ULK1: variants seen among roughly 807,000 people sequenced by gnomAD.
The protein encoded by ULK1 is serine/threonine-protein kinase ULK1.
In ULK1, 48 loss-of-function variants were observed where a neutral mutation model predicts 117.5. The observed-to-expected ratio is 0.41, with a 90% CI of 0.32 to 0.52. The LOEUF (loss-of-function observed/expected upper bound fraction) is 0.52. Ranked by LOEUF, ULK1 falls within the 20% of genes least tolerant of loss-of-function variation. The pLI is 0.29. For synonymous variants in ULK1, 790 were observed against 637.8 expected, an observed-to-expected ratio of 1.24 and a Z score of -3.60; for missense variants, 1,387 against 1,473.4, an observed-to-expected ratio of 0.94 and a Z score of 0.96.
Position 131,908,787 on chromosome 12 carries a change from G to A in ULK1, c.460G>A (p.Ala154Thr), listed in dbSNP as rs757096105. Residue 154 changes from alanine to threonine, a missense_variant, in exon 6 of 28, where the codon GCC becomes ACC. Around this residue, in one of 4 missense-constraint regions of ULK1, gnomAD observed 224 missense variants for 325.2 expected, o/e 0.69. Transcript: ENST00000321867. ...ILLSNPAGRR[A>T]NPNSIRVKIA... Reference sequence around the variant, plus strand: ...GCTGTCCAACCCCGCCGGCCGCCGCGCCAACCCCAACAGCATCCGCGTCAA... The same window carrying A: ...GCTGTCCAACCCCGCCGGCCGCCGCACCAACCCCAACAGCATCCGCGTCAA... The A allele has an allele frequency of 1.7e-5, 28 of 1,606,996 alleles. No homozygotes were observed. The highest frequency in any genetic ancestry group is 2.3e-5 in the Non-Finnish European group (27 of 1,177,632).
At chr12:131,898,896 T>G (rs909189720) in intron 3 of ULK1, among the ~76,000 whole-genome samples, 1 of 150,502 alleles carries the variant, frequency 6.6e-6, no homozygotes, top group Non-Finnish European at 1.5e-5. Context: ...TTTTTTTTTT[T>G]GAGATGGAGC....
At position 131,918,922 on chromosome 12, in the gene ULK1, CA is replaced by C. The variant is rs1890012627; in HGVS notation, c.2511+242del. On this transcript the variant is annotated intron_variant, in intron 23 of 27. Coordinates refer to ENST00000321867, the MANE Select transcript of ULK1 (RefSeq NM_003565.4). ...TGTGGGGTGTAGGGTGTGTGGGGTG[CA>C]GGGTGTGTGGGGTGCAGGGTGTGTG... Among the ~76,000 whole-genome samples the C allele has an allele frequency of 9.5e-3, 33 of 3,480 alleles. 1 individual carries two copies. The highest frequency in any genetic ancestry group is 0.016 in the African/African-American group (31 of 1,920). The allele number at this position is 3,480 out of a possible 152,430, so 2.3% of individuals were successfully genotyped here.
chr12:131,896,024 T>A (rs1054468865), intron 3 of ULK1, among the ~76,000 whole-genome samples, 200 bp downstream of exon 3: 1 of 151,306 alleles, frequency 6.6e-6, no homozygotes, highest in African/African-American at 2.4e-5. Flanking sequence ...GGGGAGGGGG[T>A]GTCTGGGCCG....
rs1482940146 is a variant in ULK1, at chr12:131,902,452, C to T, written c.247-4440C>T. On this transcript the variant is annotated intron_variant, in intron 3 of 27. Coordinates refer to ENST00000321867, the MANE Select transcript of ULK1 (RefSeq NM_003565.4). The surrounding 1 kb of genome is among the most constrained non-coding windows in gnomAD (Gnocchi z 6.3). ...GGCTGCCTGGGACACCTGGCTCTGG[C>T]CGGCCGTGGGTGCGTGTGTGCAGGG... Among the ~76,000 whole-genome samples, 2 of 152,172 alleles carry T rather than the reference C, an allele frequency of 1.3e-5. No individual in the cohort carries two copies. The highest frequency in any genetic ancestry group is 4.8e-5 in the African/African-American group (2 of 41,428).
rs770259942 is a variant in ULK1 at position 131,920,099 on chromosome 12, C to T, written c.2924C>T (p.Thr975Ile). Residue 975 changes from threonine (T) to isoleucine (I), a missense_variant, in exon 26 of 28, where the codon ACT becomes ATT. Thr to Ile is a moderately conservative substitution (Grantham distance 89). Coordinates refer to ENST00000321867, the MANE Select transcript of ULK1 (RefSeq NM_003565.4). ...CTCCTGGACCGCATTCACAGCATCA[C>T]TGCCGAGAGGCTCATCTTCAGCCAC... ...QRLLDRIHSI[T>I]AERLIFSHAV... The T allele has an allele frequency of 2.5e-6, 4 of 1,612,838 alleles. No individual in the cohort carries two copies. In the East Asian group the frequency reaches 6.7e-5, roughly 27 times the overall value.
At position 131,910,733 on chromosome 12, in the gene ULK1, C is replaced by G. The variant is rs1555264530; in HGVS notation, c.881C>G (p.Ser294Trp). 9 of 1,613,054 alleles carry G rather than the reference C, an allele frequency of 5.6e-6. No individual in the cohort carries two copies. The highest frequency in any genetic ancestry group is 6.8e-6 in the Non-Finnish European group (8 of 1,179,916). ...TCAGCCCCACCCGTGCCTGTGCCCTCGTACCCAAGCTCGGGGTCCGGCAGC... is the reference window on the plus strand; with the variant it reads ...TCAGCCCCACCCGTGCCTGTGCCCTGGTACCCAAGCTCGGGGTCCGGCAGC... ...VRKSPPVPVP[S>W]YPSSGSGSSS... Residue 294 changes from serine (S) to tryptophan (W), a missense_variant, in exon 12 of 28, where the codon TCG (serine) becomes TGG (tryptophan). By Grantham distance (177) the Ser-to-Trp change is radical. This residue lies in a region of ULK1 where 260 missense variants were observed against 271.6 expected (regional missense o/e 0.96). Transcript: ENST00000321867.
intron 4 of ULK1, 29 bp from the exon 5 acceptor site, chr12:131,907,466 C>T (rs758474828): frequency 8.1e-6 from 13 of 1,611,022 alleles, no homozygotes; most frequent in East Asian, 2.2e-5. Context: ...GGCCCTGCTG[C>T]AGCCTGATGC....
chr12:131,921,214 G>A lies in ULK1; in HGVS notation c.3076G>A (p.Asp1026Asn), dbSNP rs748677500. 8.1e-6 allele frequency: 13 copies of A among 1,606,908 alleles called. No homozygotes were observed. Among genetic ancestry groups the A allele is most frequent in the Admixed American group, 1.7e-5 (1 of 60,000 alleles). ...GCAGCACATGCTCTCGGACCAGGCC[G>A]ACATCGAGAACGTCACCAAGTGTGA... ...GLQHMLSDQA[D>N]IENVTKCKLC... The change falls in exon 27 of 28, where the codon GAC becomes AAC. Residue 1026 changes from aspartate (D) to asparagine (N), a missense_variant. Asp to Asn is a conservative substitution (Grantham distance 23). Transcript: ENST00000321867.
intron 3 of ULK1, among the ~76,000 whole-genome samples, chr12:131,899,588 T>G (rs1889008797): frequency 2.6e-5 from 4 of 152,114 alleles, no homozygotes; most frequent in Admixed American, 1.3e-4. Context: ...ACACCTGAGC[T>G]CAAGAGATCC....
At position 131,903,309 on chromosome 12, in the gene ULK1, G is replaced by A. The variant is rs1265701983; in HGVS notation, c.247-3583G>A. Among the ~76,000 whole-genome samples, 1 of 152,236 alleles carries A rather than the reference G, an allele frequency of 6.6e-6. No individual in the cohort carries two copies. The highest frequency in any genetic ancestry group is 1.5e-5 in the Non-Finnish European group (1 of 68,034). The stretch of plus-strand genomic sequence containing the variant: ...GGCTAGGTCCTTCCGGGGACACAGA[G>A]GGTGACTGGCTTGGCATTGGCACTG... On this transcript the variant is annotated intron_variant, in intron 3 of 27. Transcript: ENST00000321867. The surrounding 1 kb of genome is among the most constrained non-coding windows in gnomAD (Gnocchi z 6.0).
intron 26 of ULK1, chr12:131,920,797 C>T (rs1473854228): frequency 1.8e-5 from 7 of 393,394 alleles, no homozygotes; most frequent in Non-Finnish European, 2.7e-5. Flanking sequence ...CTCCCTCCTG[C>T]CCCCCTTCCC....
chr12:131,906,866 C>T (rs12425431), intron 3 of ULK1, 26 bp from the exon 4 acceptor site: 37,096 of 1,613,916 alleles, frequency 0.023, 511 homozygotes, highest in Non-Finnish European at 0.027. Context: ...ACTGGGACCT[C>T]TCACAGCCTC....
intron 3 of ULK1, among the ~76,000 whole-genome samples, chr12:131,904,145 G>T (rs1244880907): frequency 6.6e-6 from 1 of 152,014 alleles, no homozygotes; most frequent in African/African-American, 2.4e-5. Context: ...TCCCTGGTGG[G>T]CCTCTGCCTT....
intron 4 of ULK1, 122 bp downstream of exon 4, chr12:131,907,046 T>A: frequency 3.8e-6 from 5 of 1,312,678 alleles, no homozygotes; most frequent in Non-Finnish European, 5.4e-6. Flanking sequence ...TGAGATGGAG[T>A]CTCACTGTCG....
In ULK1 at chr12:131,913,278, C is replaced by G; in HGVS notation, c.1157+20C>G. ...CAGTGGGTGAGCCCCCATCCCTTAC[C>G]TCTGTATTTTAGGGGAGAGAAACTG... On this transcript the variant is annotated intron_variant, in intron 14 of 27. Transcript: ENST00000321867. 6.5e-7 allele frequency: 1 copy of G among 1,537,658 alleles called. No homozygotes were observed. Among genetic ancestry groups the G allele is most frequent in the South Asian group, 1.2e-5 (1 of 81,212 alleles).
intron 6 of ULK1, 24 bp downstream of exon 6, chr12:131,908,841 G>A: frequency 1.2e-6 from 2 of 1,605,002 alleles, no homozygotes; most frequent in African/African-American, 1.3e-5. Flanking sequence ...CAGGCAGGCG[G>A]GCCCGGCGGG....
chr12:131,920,049 G>A lies in ULK1; in HGVS notation c.2874G>A (p.Gln958=). The A allele has an allele frequency of 6.2e-7, 1 of 1,612,854 alleles. No individual in the cohort carries two copies. The highest frequency in any genetic ancestry group is 8.5e-7 in the Non-Finnish European group (1 of 1,179,974). The part of the protein sequence containing the change: ...VSCQGLSLRL[Q]RFFLDKQRLL... ...GCCAGGGCCTGAGCCTGCGGCTGCA[G>A]CGCTTCTTCCTGGACAAGCAGCGGC... is the stretch of plus-strand genomic sequence containing the variant. The change falls in exon 26 of 28, where the codon CAG becomes CAA. Residue 958 remains glutamine, a synonymous_variant. Coordinates refer to ENST00000321867, the MANE Select transcript of ULK1 (RefSeq NM_003565.4).
chr12:131,912,388 G>A (rs141683988), intron 13 of ULK1, among the ~76,000 whole-genome samples: 24 of 152,274 alleles, frequency 1.6e-4, no homozygotes, highest in South Asian at 6.2e-4. Flanking sequence ...CCCCTCCCCC[G>A]CCATGTACCC....
rs116680322 is a variant in ULK1 at position 131,917,612 on chromosome 12, G to A, written c.2326+58G>A. The stretch of plus-strand genomic sequence containing the variant: ...TTTGGGGTGGTGGCAGCGCCCTAGC[G>A]GACGGGGGCATCCTTTAACTCGGGT... On this transcript the variant is annotated intron_variant, in intron 22 of 27. Coordinates refer to ENST00000321867, the MANE Select transcript of ULK1 (RefSeq NM_003565.4). 3,420 of 1,317,018 alleles carry A rather than the reference G, an allele frequency of 2.6e-3. 25 individuals are homozygous for A. The highest frequency in any genetic ancestry group is 0.023 in the African/African-American group (1,522 of 65,990). 81.6% of individuals were successfully genotyped at this position (1,317,018 alleles called of 1,614,324 possible).
Sources: allele counts gnomAD v4.1 joint callset (sites outside exome capture counted in the v4.1 genomes callset), GRCh38; gene constraint gnomAD v4.1.1; regional missense constraint gnomAD v4.1.1; non-coding constraint Gnocchi (gnomAD v3.1); transcripts MANE v1.5; gene names NCBI Gene and HGNC (gene_info 2026-07-23, HGNC 2026-07-21).